LYN: variants seen among roughly 807,000 people sequenced by gnomAD.
The protein encoded by LYN is LYN proto-oncogene, Src family tyrosine kinase.
A neutral mutation model predicts 65.0 loss-of-function variants in LYN; 12 were observed. The ratio of observed to expected loss-of-function variants is 0.18; its 90% CI spans 0.12 to 0.30. The LOEUF (loss-of-function observed/expected upper bound fraction) is 0.30. Among genes scored for constraint, LYN ranks in the 10% least tolerant of loss-of-function variants. The pLI is 1.00. For synonymous variants in LYN, 222 were observed against 221.2 expected, an observed-to-expected ratio of 1.00 and a Z score of -0.03; for missense variants, 380 against 623.2, an observed-to-expected ratio of 0.61 and a Z score of 4.16.
chr8:55,993,812 A>G (rs1422644994), intron 10 of LYN, among the ~76,000 whole-genome samples: 2 of 152,218 alleles, frequency 1.3e-5, no homozygotes, highest in African/African-American at 4.8e-5. Context: ...AAACAACACA[A>G]CAATCTTCTG....
At chr8:55,982,637 G>A (rs1197485217) in intron 10 of LYN, among the ~76,000 whole-genome samples, 1 of 152,118 alleles carries the variant, frequency 6.6e-6, no homozygotes, top group East Asian at 1.9e-4. Context: ...TCCTTGCTGT[G>A]GTCAGCTCCG....
At chr8:55,919,936 A>G (rs1156707056) in intron 1 of LYN, among the ~76,000 whole-genome samples, 1 of 152,152 alleles carries the variant, frequency 6.6e-6, no homozygotes, top group Non-Finnish European at 1.5e-5. Context: ...GAGCTTTGTC[A>G]CGTGACCCCA....
rs1808830698 is a variant in LYN, at chr8:56,011,979, T to C, written c.*1869T>C. 5.3e-6 allele frequency: 1 copy of C among 188,310 alleles called. No homozygotes were observed. The highest frequency in any genetic ancestry group is 2.3e-5 in the African/African-American group (1 of 42,840). 11.7% of individuals were successfully genotyped at this position (188,310 alleles called of 1,614,324 possible). ...CTCTAGAAAATGACTAGAGGTTTTT[T>C]TTTTAGCATAACAAATTTATTTAAA... On this transcript the variant is annotated 3_prime_UTR_variant, in exon 13 of 13. Transcript: ENST00000519728.
chr8:55,931,840 C>T (rs1806280103), intron 1 of LYN, among the ~76,000 whole-genome samples: 1 of 152,214 alleles, frequency 6.6e-6, no homozygotes, highest in South Asian at 2.1e-4. Context: ...TTTCTTTTAA[C>T]TACTTGAATA....
chr8:55,935,598 ACCCTGTCTGT>A (rs1390074357), intron 1 of LYN, among the ~76,000 whole-genome samples: 1 of 151,866 alleles, frequency 6.6e-6, no homozygotes, highest in Non-Finnish European at 1.5e-5. Flanking sequence ...ACATGGTGAA[ACCCTGTCTGT>A]ACTAAAAATA....
At chr8:55,980,174 C>T (rs889273463) in intron 10 of LYN, 2 of 152,458 alleles carry the variant, frequency 1.3e-5, no homozygotes, top group African/African-American at 4.8e-5. Context: ...AATAGATCTC[C>T]CTCCTCCAGG....
chr8:55,946,740 TC>T lies in LYN; in HGVS notation c.178+251del, dbSNP rs1244466264. ...AACTCCATACCCATTAAACAATAAG[TC>T]CCCATTGCCTCCTCCCCCAGCCGCT... On this transcript the variant is annotated intron_variant, in intron 3 of 12. Coordinates refer to ENST00000519728, the MANE Select transcript of LYN (RefSeq NM_002350.4). Among the ~76,000 whole-genome samples, 4 of 152,160 alleles carry T rather than the reference TC, an allele frequency of 2.6e-5. No individual in the cohort carries two copies. The East Asian group carries it at 7.7e-4, about 29-fold the overall frequency.
rs763743402 is a variant in LYN, at chr8:56,009,993, C to G, written c.1422C>G (p.Asp474Glu). The change falls in exon 13 of 13, where the codon GAC becomes GAG. Residue 474 changes from aspartate to glutamate, a missense_variant. Coordinates refer to ENST00000519728, the MANE Select transcript of LYN (RefSeq NM_002350.4). ...RVENCPDELY[D>E]IMKMCWKEKA... ...AGAACTGCCCAGATGAGCTCTATGA[C>G]ATTATGAAAATGTGCTGGAAAGAAA... 9 of 1,614,080 alleles carry G rather than the reference C, an allele frequency of 5.6e-6. No homozygotes were observed. The highest frequency in any genetic ancestry group is 6.8e-6 in the Non-Finnish European group (8 of 1,179,962).
intron 1 of LYN, among the ~76,000 whole-genome samples, chr8:55,905,538 GTGTCCAGAATTGCTAGCTACCCAGC>G (rs2130391261): frequency 6.6e-6 from 1 of 152,308 alleles, no homozygotes; most frequent in East Asian, 1.9e-4. Flanking sequence ...GTGCTGAGAT[GTGTCCAGAATTGCTAGCTACCCAGC>G]TAGAAAAGCT....
rs963131149 is a variant in LYN at position 56,013,858 on chromosome 8, G to T, written c.*3748G>T. Reference sequence around the variant, plus strand: ...TTCCACTTCTGGCTGGTGGAAGAGAGATCGTAGTTCTCTATTCCCTACATT... The same window carrying T: ...TTCCACTTCTGGCTGGTGGAAGAGATATCGTAGTTCTCTATTCCCTACATT... On this transcript the variant is annotated 3_prime_UTR_variant, in exon 13 of 13. Coordinates refer to ENST00000519728, the MANE Select transcript of LYN (RefSeq NM_002350.4). 3 of 152,204 alleles carry T rather than the reference G, an allele frequency of 2.0e-5. No individual in the cohort carries two copies. Among genetic ancestry groups the T allele is most frequent in the Non-Finnish European group, 4.4e-5 (3 of 68,038 alleles). 9.4% of individuals were successfully genotyped at this position (152,204 alleles called of 1,614,324 possible).
intron 1 of LYN, among the ~76,000 whole-genome samples, chr8:55,893,092 A>G (rs1013624587): frequency 1.3e-5 from 2 of 152,242 alleles, no homozygotes; most frequent in African/African-American, 4.8e-5. Context: ...TTTGGCTACC[A>G]CCGGCATCTC....
Position 56,009,991 on chromosome 8 carries a change from G to C in LYN, c.1420G>C (p.Asp474His). The change falls in exon 13 of 13, where the codon GAC becomes CAC. Residue 474 changes from aspartate (D) to histidine (H), a missense_variant. Physicochemically the swap from Asp to His is moderately conservative, Grantham distance 81. Coordinates refer to ENST00000519728, the MANE Select transcript of LYN (RefSeq NM_002350.4). The part of the protein sequence containing the change: ...RVENCPDELY[D>H]IMKMCWKEKA... ...GGAGAACTGCCCAGATGAGCTCTAT[G>C]ACATTATGAAAATGTGCTGGAAAGA... The C allele has an allele frequency of 6.2e-7, 1 of 1,614,084 alleles. No individual in the cohort carries two copies. Among genetic ancestry groups the C allele is most frequent in the Non-Finnish European group, 8.5e-7 (1 of 1,179,966 alleles).
intron 1 of LYN, among the ~76,000 whole-genome samples, chr8:55,934,627 G>C (rs529986512): frequency 1.3e-5 from 2 of 152,190 alleles, no homozygotes; most frequent in Non-Finnish European, 2.9e-5. Context: ...TGGCTGTTTT[G>C]TCTTGACACC....
chr8:55,915,140 C>G (rs1805748447), intron 1 of LYN, among the ~76,000 whole-genome samples: 1 of 152,136 alleles, frequency 6.6e-6, no homozygotes, highest in Non-Finnish European at 1.5e-5. Flanking sequence ...TTGAAAATCT[C>G]TTTTATTTCA....
chr8:55,888,828 A>G (rs1804873303), intron 1 of LYN, among the ~76,000 whole-genome samples: 1 of 151,876 alleles, frequency 6.6e-6, no homozygotes, highest in Admixed American at 6.6e-5. Context: ...TTTGGCCACC[A>G]CGCCTGGCCG....
chr8:55,937,131 A>G (rs1806458994), intron 1 of LYN, among the ~76,000 whole-genome samples: 1 of 152,232 alleles, frequency 6.6e-6, no homozygotes, highest in South Asian at 2.1e-4. Flanking sequence ...ATATGTTGTG[A>G]ATTGTATAGT....
chr8:55,894,641 T>G (rs1805041616), intron 1 of LYN, among the ~76,000 whole-genome samples: 1 of 151,900 alleles, frequency 6.6e-6, no homozygotes. Flanking sequence ...CAAGCTATTC[T>G]CCTTCTTCAG....
rs531904665 is a variant in LYN at position 55,994,846 on chromosome 8, C to T, written c.1051-3500C>T. 9.9e-5 allele frequency among the ~76,000 whole-genome samples: 15 copies of T among 152,262 alleles called. No individual in the cohort carries two copies. The East Asian group carries it at 2.7e-3, about 27-fold the overall frequency. On this transcript the variant is annotated intron_variant, in intron 10 of 12. Transcript: ENST00000519728. Reference sequence around the variant, plus strand: ...AGGCTGGGACAGAGTCAGCTATGACCGCTCAATTGCTGCTGTCTCATCTGG... The same window carrying T: ...AGGCTGGGACAGAGTCAGCTATGACTGCTCAATTGCTGCTGTCTCATCTGG...
chr8:55,936,366 G>A (rs1014712255), intron 1 of LYN, among the ~76,000 whole-genome samples: 3 of 152,310 alleles, frequency 2.0e-5, no homozygotes, highest in Admixed American at 6.5e-5. Flanking sequence ...TAGGCTGGGC[G>A]TGGTGGCTCA....
Sources: allele counts gnomAD v4.1 joint callset (sites outside exome capture counted in the v4.1 genomes callset), GRCh38; gene constraint gnomAD v4.1.1; transcripts MANE v1.5; gene names NCBI Gene and HGNC (gene_info 2026-07-23, HGNC 2026-07-21).